RGS7: variants seen among roughly 807,000 people sequenced by gnomAD.
RGS7 encodes the protein regulator of G protein signaling 7, also known as regulator of G-protein signaling 7.
RGS7 carries 27 observed loss-of-function variants against 81.1 expected under a neutral mutation model. The ratio of observed to expected loss-of-function variants is 0.33; its 90% CI spans 0.25 to 0.46. The LOEUF is 0.46. RGS7 is among the 20% of genes least tolerant of loss of function. The pLI is 1.00. For missense variants in RGS7, 396 were observed against 607.4 expected (o/e 0.65, Z 3.66); for synonymous variants, 208 against 207.7 (o/e 1.00, Z -0.01).
chr1:240,822,752 T>C (rs1424607448), intron 10 of RGS7, among the ~76,000 whole-genome samples: 1 of 152,190 alleles, frequency 6.6e-6, no homozygotes, highest in African/African-American at 2.4e-5. Context: ...TCAATATATA[T>C]TTTTTAAATA....
chr1:241,285,689 T>C (rs1365832843), intron 2 of RGS7, among the ~76,000 whole-genome samples: 1 of 152,174 alleles, frequency 6.6e-6, no homozygotes. Flanking sequence ...GTCAGTGCTT[T>C]CAAACAGTAT....
chr1:241,342,757 GA>G (rs1282065035), intron 2 of RGS7, among the ~76,000 whole-genome samples: 17 of 152,280 alleles, frequency 1.1e-4, no homozygotes, highest in Non-Finnish European at 2.1e-4. Context: ...AAATGCCAGT[GA>G]GCACTTGAAA....
chr1:241,143,390 T>G lies in RGS7; in HGVS notation c.79-44628A>C, dbSNP rs2068069545. ...CAAAAGAAAGAGGTTTAATTGGACTTGCAGTTCCATGTGGCTAGGGAAGCC... is the reference window on the plus strand; with the variant it reads ...CAAAAGAAAGAGGTTTAATTGGACTGGCAGTTCCATGTGGCTAGGGAAGCC... On this transcript the variant is annotated intron_variant, in intron 2 of 18. Coordinates refer to ENST00000440928, the MANE Select transcript of RGS7 (RefSeq NM_001364886.1). Among the ~76,000 whole-genome samples the G allele has an allele frequency of 3.9e-5, 6 of 152,322 alleles. No homozygotes were observed. In the South Asian group the frequency reaches 1.2e-3, roughly 32 times the overall value.
chr1:240,804,954 C>T (rs1688603052), intron 15 of RGS7, among the ~76,000 whole-genome samples: 2 of 152,224 alleles, frequency 1.3e-5, no homozygotes, highest in East Asian at 3.8e-4. Context: ...TCTCATTCTT[C>T]ATCTTCTATA....
intron 6 of RGS7, among the ~76,000 whole-genome samples, chr1:240,904,047 T>C (rs192938775): frequency 1.3e-5 from 2 of 152,294 alleles, no homozygotes; most frequent in East Asian, 3.9e-4. Context: ...TGAACTAAGA[T>C]AGCTTTTAAT....
intron 3 of RGS7, among the ~76,000 whole-genome samples, chr1:241,060,665 T>C (rs925901337): frequency 6.6e-6 from 1 of 152,164 alleles, no homozygotes; most frequent in East Asian, 1.9e-4. Context: ...AGGTTAATGA[T>C]AGTTATAGGG....
At chr1:241,057,171 TATGGCTTTCCCTGA>T (rs545855657) in intron 3 of RGS7, among the ~76,000 whole-genome samples, 57 of 152,132 alleles carry the variant, frequency 3.7e-4, no homozygotes, top group African/African-American at 1.3e-3. Flanking sequence ...GTCGTATGAG[TATGGCTTTCCCTGA>T]ATTTTCACTG....
At chr1:240,801,234 AT>A (rs1687976244) in intron 17 of RGS7, among the ~76,000 whole-genome samples, 1 of 152,194 alleles carries the variant, frequency 6.6e-6, no homozygotes, top group African/African-American at 2.4e-5. Flanking sequence ...CCAAACTTTA[AT>A]TCTGTACAGA....
intron 5 of RGS7, among the ~76,000 whole-genome samples, chr1:240,931,917 T>A (rs1422307965): frequency 6.6e-6 from 1 of 152,194 alleles, no homozygotes; most frequent in Non-Finnish European, 1.5e-5. Flanking sequence ...ATCACCTGTC[T>A]CCTTATCAAC....
At chr1:241,298,049 A>C (rs1393315267) in intron 2 of RGS7, among the ~76,000 whole-genome samples, 1 of 152,242 alleles carries the variant, frequency 6.6e-6, no homozygotes, top group Non-Finnish European at 1.5e-5. Flanking sequence ...GAAAACCACC[A>C]AAATCATTTA....
At chr1:241,048,831 T>C (rs1203418590) in intron 3 of RGS7, among the ~76,000 whole-genome samples, 1 of 152,204 alleles carries the variant, frequency 6.6e-6, no homozygotes, top group African/African-American at 2.4e-5. Flanking sequence ...GTCTCATGGT[T>C]CTGGAAGCTA....
chr1:241,020,497 T>C (rs778781325), intron 3 of RGS7, among the ~76,000 whole-genome samples: 1 of 152,222 alleles, frequency 6.6e-6, no homozygotes, highest in Admixed American at 6.5e-5. Context: ...CTAAGATTTA[T>C]GGCCCACCCA....
intron 2 of RGS7, among the ~76,000 whole-genome samples, chr1:241,224,603 C>G (rs1395543155): frequency 6.6e-6 from 1 of 152,058 alleles, no homozygotes; most frequent in Non-Finnish European, 1.5e-5. Context: ...ATAATTTGGT[C>G]AATTGTGGTT....
At chr1:241,254,532 A>G (rs913576082) in intron 2 of RGS7, among the ~76,000 whole-genome samples, 10 of 152,142 alleles carry the variant, frequency 6.6e-5, no homozygotes, top group Admixed American at 5.9e-4. Flanking sequence ...TGGTTCCTTC[A>G]TCTTCTAAGG....
At chr1:240,800,031 C>T (rs190929995) in intron 18 of RGS7, among the ~76,000 whole-genome samples, 35 of 152,300 alleles carry the variant, frequency 2.3e-4, no homozygotes, top group Admixed American at 8.5e-4. Flanking sequence ...ACAGAAATTT[C>T]CATTGTAATT....
intron 2 of RGS7, among the ~76,000 whole-genome samples, chr1:241,254,371 T>A (rs1042308834): frequency 6.6e-6 from 1 of 152,182 alleles, no homozygotes; most frequent in African/African-American, 2.4e-5. Context: ...GATGCTAGAA[T>A]ACCACAGACT....
At chr1:240,786,891 T>A (rs991322569) in intron 18 of RGS7, among the ~76,000 whole-genome samples, 2 of 152,178 alleles carry the variant, frequency 1.3e-5, no homozygotes, top group Non-Finnish European at 2.9e-5. Context: ...GACAATTATA[T>A]AATGCAACAA....
chr1:241,212,646 T>TATG (rs1179530121), intron 2 of RGS7, among the ~76,000 whole-genome samples: 1 of 152,184 alleles, frequency 6.6e-6, no homozygotes, highest in East Asian at 1.9e-4. Context: ...GGACCTTGGA[T>TATG]ATCATTCAGA....
Position 240,816,435 on chromosome 1 carries a change from A to G in RGS7, c.685-20T>C, listed in dbSNP as rs747125306. On this transcript the variant is annotated intron_variant, in intron 10 of 18. Transcript: ENST00000440928. Reference sequence around the variant, plus strand: ...GACAGACTATATTAAAATAAAAAATAAACATTTTAGGACAAAATACCGTTT... The same window carrying G: ...GACAGACTATATTAAAATAAAAAATGAACATTTTAGGACAAAATACCGTTT... 1 of 1,497,194 alleles carries G rather than the reference A, an allele frequency of 6.7e-7. No individual in the cohort carries two copies. The highest frequency in any genetic ancestry group is 9.3e-7 in the Non-Finnish European group (1 of 1,073,640). The allele number at this position is 1,497,194 out of a possible 1,614,324, so 92.7% of individuals were successfully genotyped here. A position where few individuals can be genotyped will look rare whatever the true frequency, so the allele number is the denominator to read the frequency against.
Sources: allele counts gnomAD v4.1 joint callset (sites outside exome capture counted in the v4.1 genomes callset), GRCh38; gene constraint gnomAD v4.1.1; transcripts MANE v1.5; gene names NCBI Gene and HGNC (gene_info 2026-07-23, HGNC 2026-07-21).